ETV5: variants seen among roughly 807,000 people sequenced by gnomAD.
ETV5 encodes the protein ETS translocation variant 5.
In ETV5, 10 loss-of-function variants were observed where a neutral mutation model predicts 70.0. The ratio of observed to expected loss-of-function variants is 0.14; its 90% CI spans 0.09 to 0.24. The LOEUF (loss-of-function observed/expected upper bound fraction) is 0.24. ETV5 is among the 10% of genes least tolerant of loss of function. ETV5 has a pLI of 1.00. For missense variants in ETV5, 453 were observed against 651.2 expected (o/e 0.70, Z 3.31); for synonymous variants, 216 against 242.2 (o/e 0.89, Z 1.01).
chr3:186,093,000 G>T (rs1459015732), intron 5 of ETV5, among the ~76,000 whole-genome samples: 2 of 152,176 alleles, frequency 1.3e-5, no homozygotes, highest in Non-Finnish European at 2.9e-5. Context: ...CAGAGTTCTG[G>T]AGAGTCAAGT....
chr3:186,063,042 C>T (rs1356784160), intron 9 of ETV5, among the ~76,000 whole-genome samples: 1 of 152,162 alleles, frequency 6.6e-6, no homozygotes, highest in Non-Finnish European at 1.5e-5. Context: ...GAGGCCGAGG[C>T]AGGTGGATCA....
At chr3:186,096,340 C>G (rs1049338802) in intron 5 of ETV5, among the ~76,000 whole-genome samples, 2 of 152,182 alleles carry the variant, frequency 1.3e-5, no homozygotes, top group Non-Finnish European at 2.9e-5. Flanking sequence ...GACATCCCCC[C>G]CTCTTCTATT....
intron 5 of ETV5, among the ~76,000 whole-genome samples, chr3:186,086,826 G>A (rs1399545154): frequency 6.7e-6 from 1 of 149,130 alleles, no homozygotes; most frequent in African/African-American, 2.5e-5. Context: ...AAAAAATTCA[G>A]CCAGGACTGT....
Position 186,105,096 on chromosome 3 carries a change from A to G in ETV5, c.232+209T>C. On this transcript the variant is annotated intron_variant, in intron 5 of 12. Coordinates refer to ENST00000306376, the MANE Select transcript of ETV5 (RefSeq NM_004454.3). This position sits in a 1 kb window ranked among gnomAD's most constrained non-coding sequence, Gnocchi z 4.5. ...AATTTAGGATAAAATTATGTTCAGT[A>G]AATCTTACCTGCAATACAGTAGAAA... is the stretch of plus-strand genomic sequence containing the variant. The G allele has an allele frequency of 2.1e-6, 1 of 474,240 alleles. No homozygotes were observed. The highest frequency in any genetic ancestry group is 3.9e-5 in the Admixed American group (1 of 25,642). 29.4% of individuals were successfully genotyped at this position (474,240 alleles called of 1,614,324 possible).
At chr3:186,067,960 A>G (rs1713492970) in intron 7 of ETV5, among the ~76,000 whole-genome samples, 1 of 152,278 alleles carries the variant, frequency 6.6e-6, no homozygotes, top group African/African-American at 2.4e-5. Context: ...AAAATGGGCA[A>G]AGGACATAAA....
intron 5 of ETV5, among the ~76,000 whole-genome samples, chr3:186,098,130 G>C (rs1463225522): frequency 6.6e-6 from 1 of 152,196 alleles, no homozygotes; most frequent in Non-Finnish European, 1.5e-5. Flanking sequence ...AAATGGCCAA[G>C]ACCCTTGTGG....
chr3:186,081,367 GA>G (rs1243577843), intron 5 of ETV5, among the ~76,000 whole-genome samples, 192 bp from the exon 6 acceptor site: 2 of 152,114 alleles, frequency 1.3e-5, no homozygotes, highest in Admixed American at 1.3e-4. Flanking sequence ...TTCAAAGTCA[GA>G]AAAAGTATCA....
rs983140368 is a variant in ETV5 at position 186,048,576 on chromosome 3, G to T, written c.*63C>A. Reference sequence around the variant, plus strand: ...AACCAAAAACACAAACAAAACCACTGCCCTTGTTTGCCTGAATGGGAACTG... The same window carrying T: ...AACCAAAAACACAAACAAAACCACTTCCCTTGTTTGCCTGAATGGGAACTG... On this transcript the variant is annotated 3_prime_UTR_variant, in exon 13 of 13. Coordinates refer to ENST00000306376, the MANE Select transcript of ETV5 (RefSeq NM_004454.3). 7 of 1,432,108 alleles carry T rather than the reference G, an allele frequency of 4.9e-6. No individual in the cohort carries two copies. The South Asian group carries it at 8.1e-5, about 17-fold the overall frequency. 88.7% of individuals were successfully genotyped at this position (1,432,108 alleles called of 1,614,324 possible).
At chr3:186,095,904 G>T (rs553486760) in intron 5 of ETV5, among the ~76,000 whole-genome samples, 2 of 152,310 alleles carry the variant, frequency 1.3e-5, no homozygotes, top group African/African-American at 4.8e-5. Context: ...GGTGGTGTGC[G>T]GGCTGTATGC....
In ETV5 at chr3:186,064,582, C is replaced by T. The variant is rs1713390778; in HGVS notation, c.911-106G>A. 21 of 1,099,776 alleles carry T rather than the reference C, an allele frequency of 1.9e-5. No homozygotes were observed. In the South Asian group the frequency reaches 2.3e-4, roughly 12 times the overall value. 68.1% of individuals were successfully genotyped at this position (1,099,776 alleles called of 1,614,324 possible). A position where few individuals can be genotyped will look rare whatever the true frequency, so the allele number is the denominator to read the frequency against. On this transcript the variant is annotated intron_variant, in intron 8 of 12. Coordinates refer to ENST00000306376, the MANE Select transcript of ETV5 (RefSeq NM_004454.3). ...TGGTAAAGCCCCTAAACTTCCTGCTCTGGGGTCATGTCTTTCTGGCTTTGT... is the reference window on the plus strand; with the variant it reads ...TGGTAAAGCCCCTAAACTTCCTGCTTTGGGGTCATGTCTTTCTGGCTTTGT...
chr3:186,100,127 G>A (rs772948621), intron 5 of ETV5, among the ~76,000 whole-genome samples: 11 of 152,222 alleles, frequency 7.2e-5, no homozygotes, highest in Non-Finnish European at 1.6e-4. Context: ...CCTCCCAGCA[G>A]TAAGGTACTG....
chr3:186,076,281 T>C (rs1713787481), intron 7 of ETV5: 1 of 209,118 alleles, frequency 4.8e-6, no homozygotes, highest in South Asian at 1.9e-4. Flanking sequence ...AAGAATGTAC[T>C]TTTTTCTTTC....
rs1712885801 is a variant in ETV5, at chr3:186,046,669, CAAAAGAA to C, written c.*1963_*1969del. 1.4e-5 allele frequency: 1 copy of C among 72,574 alleles called. No homozygotes were observed. The highest frequency in any genetic ancestry group is 2.5e-5 in the Non-Finnish European group (1 of 40,098). 4.5% of individuals were successfully genotyped at this position (72,574 alleles called of 1,614,324 possible). A position where few individuals can be genotyped will look rare whatever the true frequency, so the allele number is the denominator to read the frequency against. On this transcript the variant is annotated 3_prime_UTR_variant, in exon 13 of 13. Coordinates refer to ENST00000306376, the MANE Select transcript of ETV5 (RefSeq NM_004454.3). ...ATTGCTAAGACAGCATAAATCCATT[CAAAAGAA>C]AAAAAAAAAAAATCCAAACCAGGGT...
At chr3:186,085,837 C>T (rs1378163778) in intron 5 of ETV5, among the ~76,000 whole-genome samples, 1 of 152,092 alleles carries the variant, frequency 6.6e-6, no homozygotes, top group Non-Finnish European at 1.5e-5. Flanking sequence ...TCCTTGCCTC[C>T]CATTCTAGCA....
In ETV5 at chr3:186,105,349, A is replaced by G; in HGVS notation, c.188T>C (p.Val63Ala). 1 of 1,613,504 alleles carries G rather than the reference A, an allele frequency of 6.2e-7. No homozygotes were observed. Among genetic ancestry groups the G allele is most frequent in the Non-Finnish European group, 8.5e-7 (1 of 1,179,862 alleles). The change falls in exon 5 of 13, where the codon GTT (valine) becomes GCT (alanine). Residue 63 changes from valine (V) to alanine (A), a missense_variant. By Grantham distance (64) the Val-to-Ala change is moderately conservative. Coordinates refer to ENST00000306376, the MANE Select transcript of ETV5 (RefSeq NM_004454.3). This position sits in a 1 kb window ranked among gnomAD's most constrained non-coding sequence, Gnocchi z 4.5. ...LQEAWLAEAQVPDDEQFVPDF... is the reference protein window; with the variant it reads ...LQEAWLAEAQAPDDEQFVPDF... ...TGGGACAAACTGTTCATCATCAGGAACTTGTGCTGGAAAATAGATTTTTAT... is the reference window on the plus strand; with the variant it reads ...TGGGACAAACTGTTCATCATCAGGAGCTTGTGCTGGAAAATAGATTTTTAT...
intron 7 of ETV5, among the ~76,000 whole-genome samples, chr3:186,068,536 T>C (rs1230671333): frequency 6.6e-6 from 1 of 152,232 alleles, no homozygotes; most frequent in African/African-American, 2.4e-5. Flanking sequence ...TCCTTAACAC[T>C]CTTCAGCTGT....
chr3:186,065,287 GA>G (rs1247688643), intron 8 of ETV5, among the ~76,000 whole-genome samples: 1 of 152,062 alleles, frequency 6.6e-6, no homozygotes. Context: ...AGTCTTAAAG[GA>G]AAAAATGTTG....
chr3:186,095,315 T>C (rs1364044549), intron 5 of ETV5: 1 of 152,114 alleles, frequency 6.6e-6, no homozygotes, highest in African/African-American at 2.4e-5. Flanking sequence ...ACATTTTTCC[T>C]GAAAGGAAAA....
chr3:186,048,893 T>C, intron 12 of ETV5, 33 bp from the exon 13 acceptor site: 2 of 1,572,616 alleles, frequency 1.3e-6, no homozygotes, highest in Non-Finnish European at 1.7e-6. Flanking sequence ...CAGGGCCCAG[T>C]TGGAACAGGG....
Sources: gnomAD v4.1 joint callset for allele counts (sites outside exome capture counted in the v4.1 genomes callset) on GRCh38, gnomAD v4.1.1 for gene constraint, Gnocchi (gnomAD v3.1) non-coding constraint, MANE v1.5 for transcripts, NCBI Gene and HGNC (gene_info 2026-07-23, HGNC 2026-07-21) for gene names.